Variants in FHIT observed in about 807,000 individuals in gnomAD.
FHIT encodes bis(5'-adenosyl)-triphosphatase.
FHIT carries 19 observed loss-of-function variants against 17.9 expected under a neutral mutation model. The ratio of observed to expected loss-of-function variants is 1.06; its 90% CI spans 0.74 to 1.56. The LOEUF (loss-of-function observed/expected upper bound fraction) is 1.56. FHIT is among the 40% of genes most tolerant of loss of function. The pLI is 0.00. For missense variants in FHIT, 248 were observed against 189.2 expected (o/e 1.31, Z -1.82); for synonymous variants, 81 against 69.7 (o/e 1.16, Z -0.81).
At position 61,008,480 on chromosome 3, in the gene FHIT, GA is replaced by G. The variant is rs551931686; in HGVS notation, c.-111+33566del. ...AACAAAAGGAGTCTGGGGCTAGGAAGAAAAAAAAAAATGACAAGCGAAGCAT... is the reference window on the plus strand; with the variant it reads ...AACAAAAGGAGTCTGGGGCTAGGAAGAAAAAAAAAATGACAAGCGAAGCAT... On this transcript the variant is annotated intron_variant, in intron 3 of 9. Coordinates refer to ENST00000492590, the MANE Select transcript of FHIT (RefSeq NM_002012.4). Among the ~76,000 whole-genome samples the G allele has an allele frequency of 2.7e-3, 395 of 145,388 alleles. 4 individuals are homozygous for G. The highest frequency in any genetic ancestry group is 8.4e-3 in the African/African-American group (333 of 39,804).
At chr3:60,236,206 G>C (rs1184464720) in intron 5 of FHIT, among the ~76,000 whole-genome samples, 1 of 150,750 alleles carries the variant, frequency 6.6e-6, no homozygotes, top group Admixed American at 6.6e-5. Flanking sequence ...GACCTTGCTG[G>C]GTTCATGCTT....
At chr3:60,762,849 C>T (rs1439071754) in intron 4 of FHIT, among the ~76,000 whole-genome samples, 1 of 152,186 alleles carries the variant, frequency 6.6e-6, no homozygotes, top group Non-Finnish European at 1.5e-5. Flanking sequence ...ACTTGAGTGG[C>T]AATATCAACT....
chr3:60,087,052 A>T (rs1310663700), intron 5 of FHIT, among the ~76,000 whole-genome samples: 2 of 152,182 alleles, frequency 1.3e-5, no homozygotes, highest in African/African-American at 4.8e-5. Flanking sequence ...CCACCCTTGC[A>T]TTCTGGGTGC....
chr3:60,081,910 A>ACT (rs1553679429), intron 5 of FHIT, among the ~76,000 whole-genome samples: 1 of 149,384 alleles, frequency 6.7e-6, no homozygotes, highest in African/African-American at 2.5e-5. Flanking sequence ...ACGTTAAGTG[A>ACT]TTTTTTTTTT....
At chr3:60,037,120 C>T (rs537086260) in intron 5 of FHIT, among the ~76,000 whole-genome samples, 3 of 152,340 alleles carry the variant, frequency 2.0e-5, no homozygotes, top group African/African-American at 7.2e-5. Context: ...GAGCTAACAA[C>T]CAACATTGAA....
chr3:60,281,223 T>C (rs1225422680), intron 5 of FHIT, among the ~76,000 whole-genome samples: 1 of 152,184 alleles, frequency 6.6e-6, no homozygotes, highest in Non-Finnish European at 1.5e-5. Flanking sequence ...AGATATTCTG[T>C]GTTCATGGAT....
chr3:60,648,646 C>T (rs1021098894), intron 4 of FHIT, among the ~76,000 whole-genome samples: 2 of 152,166 alleles, frequency 1.3e-5, no homozygotes, highest in African/African-American at 2.4e-5. Context: ...GATGAAGCAT[C>T]GCAGGAGCAA....
intron 5 of FHIT, among the ~76,000 whole-genome samples, chr3:60,291,840 C>A (rs1241496105): frequency 6.6e-6 from 1 of 152,004 alleles, no homozygotes; most frequent in South Asian, 2.1e-4. Context: ...AAGATTGGAG[C>A]CAGAGTGCCA....
rs1335648591 is a variant in FHIT at position 60,476,464 on chromosome 3, G to C, written c.103+60396C>G. Among the ~76,000 whole-genome samples, 3 of 152,176 alleles carry C rather than the reference G, an allele frequency of 2.0e-5. No homozygotes were observed. The East Asian group carries it at 5.8e-4, about 29-fold the overall frequency. ...GGGAGTGAGACTACTGCAATAGGGA[G>C]AGCTCTGGTCATGAGATGTGCAAGT... On this transcript the variant is annotated intron_variant, in intron 5 of 9. Transcript: ENST00000492590.
intron 5 of FHIT, among the ~76,000 whole-genome samples, chr3:60,437,453 A>G (rs1404899426): frequency 2.6e-5 from 4 of 152,100 alleles, no homozygotes; most frequent in Non-Finnish European, 4.4e-5. Context: ...TCATTCATTT[A>G]GCCAAAACTT....
intron 2 of FHIT, among the ~76,000 whole-genome samples, chr3:61,123,367 G>A (rs1200341331): frequency 3.9e-5 from 6 of 152,030 alleles, no homozygotes; most frequent in South Asian, 2.1e-4. Flanking sequence ...GGGGCGCTAG[G>A]GTAAGGATAG....
At chr3:60,586,974 C>T (rs879975370) in intron 4 of FHIT, among the ~76,000 whole-genome samples, 10 of 151,908 alleles carry the variant, frequency 6.6e-5, no homozygotes, top group Non-Finnish European at 1.5e-4. Flanking sequence ...CAAACCTGCA[C>T]CTGTACCCCT....
Position 60,306,594 on chromosome 3 carries a change from C to T in FHIT, c.103+230266G>A, listed in dbSNP as rs188640258. Among the ~76,000 whole-genome samples, 5 of 152,254 alleles carry T rather than the reference C, an allele frequency of 3.3e-5. No homozygotes were observed. In the East Asian group the frequency reaches 9.7e-4, roughly 29 times the overall value. On this transcript the variant is annotated intron_variant, in intron 5 of 9. Transcript: ENST00000492590. ...TTCTTTCTGTCTGCGTCATTTCCAT[C>T]AGGAACAACTGTTCAACCCTTACTT...
chr3:60,717,383 G>A (rs2041708303), intron 4 of FHIT, among the ~76,000 whole-genome samples: 1 of 152,022 alleles, frequency 6.6e-6, no homozygotes, highest in Non-Finnish European at 1.5e-5. Flanking sequence ...TCATCATTTA[G>A]CAATGTATAC....
chr3:59,931,175 G>C (rs1430792088), intron 7 of FHIT, among the ~76,000 whole-genome samples: 1 of 152,194 alleles, frequency 6.6e-6, no homozygotes, highest in Non-Finnish European at 1.5e-5. Context: ...CAGGACATTA[G>C]TTTTAAAAAT....
intron 4 of FHIT, among the ~76,000 whole-genome samples, chr3:60,585,458 C>T (rs2037877067): frequency 6.6e-6 from 1 of 152,010 alleles, no homozygotes; most frequent in Admixed American, 6.6e-5. Context: ...TATTCATAGA[C>T]TCACATGATG....
chr3:60,565,352 C>G (rs1278062812), intron 4 of FHIT, among the ~76,000 whole-genome samples: 1 of 152,150 alleles, frequency 6.6e-6, no homozygotes, highest in African/African-American at 2.4e-5. Flanking sequence ...ATGCTGCCCC[C>G]AAGCACTATG....
At chr3:60,790,175 G>A (rs1553728122) in intron 4 of FHIT, among the ~76,000 whole-genome samples, 1 of 152,098 alleles carries the variant, frequency 6.6e-6, no homozygotes, top group African/African-American at 2.4e-5. Flanking sequence ...TTAATATTTT[G>A]TATTCATTGT....
At chr3:60,704,041 A>C (rs2041310617) in intron 4 of FHIT, among the ~76,000 whole-genome samples, 1 of 152,122 alleles carries the variant, frequency 6.6e-6, no homozygotes, top group African/African-American at 2.4e-5. Context: ...GAGTTGACCA[A>C]GGGAAGCTAA....
Sources: allele counts gnomAD v4.1 joint callset (sites outside exome capture counted in the v4.1 genomes callset), GRCh38; gene constraint gnomAD v4.1.1; transcripts MANE v1.5; gene names NCBI Gene and HGNC (gene_info 2026-07-23, HGNC 2026-07-21).